The following FAM171A1 variants were observed in gnomAD, a reference collection of about 807,000 sequenced individuals.
The protein encoded by FAM171A1 is family with sequence similarity 171 member A1.
A neutral mutation model predicts 74.9 loss-of-function variants in FAM171A1; 23 were observed. The ratio of observed to expected loss-of-function variants is 0.31; its 90% CI spans 0.22 to 0.44. FAM171A1 has a LOEUF of 0.44. Ranked by LOEUF, FAM171A1 falls within the 20% of genes least tolerant of loss-of-function variation. FAM171A1 has a pLI of 1.00. For synonymous variants in FAM171A1, 527 were observed against 505.7 expected (o/e 1.04, Z -0.57); for missense variants, 1,162 against 1,159.2 (o/e 1.00, Z -0.03).
intron 1 of FAM171A1, among the ~76,000 whole-genome samples, chr10:15,301,740 A>G (rs888777020): frequency 2.0e-5 from 3 of 152,186 alleles, no homozygotes; most frequent in African/African-American, 7.2e-5. Flanking sequence ...TCTGGCTACT[A>G]CTGCTGCTCT....
chr10:15,350,744 T>C (rs933047444), intron 1 of FAM171A1, among the ~76,000 whole-genome samples: 1 of 145,128 alleles, frequency 6.9e-6, no homozygotes, highest in Non-Finnish European at 1.5e-5. Flanking sequence ...GTTCGAGCGA[T>C]CGATACTCCT....
intron 3 of FAM171A1, among the ~76,000 whole-genome samples, chr10:15,271,174 G>A (rs955279099): frequency 1.4e-4 from 22 of 152,128 alleles, no homozygotes; most frequent in African/African-American, 4.1e-4. Flanking sequence ...AATAAACAGC[G>A]TAGAGAAGAC....
intron 1 of FAM171A1, among the ~76,000 whole-genome samples, chr10:15,319,039 A>G (rs1261862482): frequency 6.6e-6 from 1 of 152,236 alleles, no homozygotes; most frequent in East Asian, 1.9e-4. Context: ...ACTTTGGTCT[A>G]CAGGAGGCCA....
chr10:15,327,688 C>T (rs1033368681), intron 1 of FAM171A1, among the ~76,000 whole-genome samples: 2 of 152,014 alleles, frequency 1.3e-5, no homozygotes, highest in Non-Finnish European at 2.9e-5. Context: ...ATAAATGCCA[C>T]ATGTTCTCAC....
At chr10:15,291,146 G>A (rs923633080) in intron 1 of FAM171A1, among the ~76,000 whole-genome samples, 3 of 152,120 alleles carry the variant, frequency 2.0e-5, no homozygotes, top group African/African-American at 4.8e-5. Flanking sequence ...CACCACGTCC[G>A]GCCATACCAC....
Position 15,213,607 on chromosome 10 carries a change from C to A in FAM171A1, c.1981G>T (p.Ala661Ser), listed in dbSNP as rs753162558. ...ATGGAGAGAGACTCCGACATGGATG[C>A]GTTCTGAGGGCTCCACTCCCGGGTG... ...AGTREWSPQN[A>S]SMSESLSIPA... Residue 661 changes from alanine to serine, a missense_variant, in exon 8 of 8, where the codon GCA becomes TCA. Coordinates refer to ENST00000378116, the MANE Select transcript of FAM171A1 (RefSeq NM_001010924.2). The surrounding 1 kb of genome is among the most constrained non-coding windows in gnomAD (Gnocchi z 6.8). 3 of 1,614,138 alleles carry A rather than the reference C, an allele frequency of 1.9e-6. No homozygotes were observed. Among genetic ancestry groups the A allele is most frequent in the Admixed American group, 3.3e-5 (2 of 60,022 alleles).
intron 3 of FAM171A1, among the ~76,000 whole-genome samples, chr10:15,262,812 G>C (rs1417675744): frequency 6.6e-6 from 1 of 152,128 alleles, no homozygotes. Context: ...ATAACAAATG[G>C]GCTCCAATGA....
intron 3 of FAM171A1, among the ~76,000 whole-genome samples, chr10:15,257,604 T>C (rs1372098859): frequency 2.0e-5 from 3 of 151,650 alleles, no homozygotes; most frequent in Non-Finnish European, 4.4e-5. Flanking sequence ...GGGCTGGGGG[T>C]ATGTAGCAGG....
chr10:15,228,382 AT>A (rs1293267603), intron 5 of FAM171A1, among the ~76,000 whole-genome samples: 1 of 132,710 alleles, frequency 7.5e-6, no homozygotes, highest in Non-Finnish European at 1.5e-5. Flanking sequence ...TTGCTTTGTC[AT>A]TCAGGCTGGA....
intron 1 of FAM171A1, among the ~76,000 whole-genome samples, chr10:15,332,074 C>A (rs1216154653): frequency 2.0e-5 from 3 of 151,504 alleles, no homozygotes; most frequent in Non-Finnish European, 2.9e-5. Context: ...CTCAGCCTCC[C>A]AGGTAGTAGC....
chr10:15,339,155 TA>T (rs1176441881), intron 1 of FAM171A1, among the ~76,000 whole-genome samples: 1 of 152,216 alleles, frequency 6.6e-6, no homozygotes, highest in African/African-American at 2.4e-5. Flanking sequence ...CTTTCAAATA[TA>T]GAATAATTTT....
chr10:15,364,262 G>C (rs1836032181), intron 1 of FAM171A1, among the ~76,000 whole-genome samples: 1 of 152,138 alleles, frequency 6.6e-6, no homozygotes. Context: ...GTGAATCCCA[G>C]CTCTGGAAGG....
chr10:15,247,437 A>T (rs1042725675), intron 5 of FAM171A1, among the ~76,000 whole-genome samples: 1 of 149,576 alleles, frequency 6.7e-6, no homozygotes, highest in Non-Finnish European at 1.5e-5. Context: ...GCACCCAAAC[A>T]GTACCCAGCA....
intron 6 of FAM171A1, 55 bp from the exon 7 acceptor site, chr10:15,216,165 G>T (rs1045010326): frequency 1.1e-5 from 12 of 1,138,360 alleles, no homozygotes; most frequent in Non-Finnish European, 1.5e-5. Flanking sequence ...CTCAAAAGAG[G>T]GATCATTCAT....
chr10:15,360,119 G>C (rs962737854), intron 1 of FAM171A1, among the ~76,000 whole-genome samples: 2 of 152,148 alleles, frequency 1.3e-5, no homozygotes, highest in Non-Finnish European at 2.9e-5. Context: ...TATTTGTAGA[G>C]ATGAAGTCCT....
At chr10:15,273,969 T>A (rs1834860805) in intron 3 of FAM171A1, among the ~76,000 whole-genome samples, 1 of 152,182 alleles carries the variant, frequency 6.6e-6, no homozygotes, top group South Asian at 2.1e-4. Flanking sequence ...CTTTGAAAAC[T>A]GGCATAAGAC....
chr10:15,329,793 C>G (rs1183117985), intron 1 of FAM171A1, among the ~76,000 whole-genome samples: 3 of 152,076 alleles, frequency 2.0e-5, no homozygotes, highest in Non-Finnish European at 4.4e-5. Context: ...CATTTGAGAA[C>G]TAAGTAGACA....
chr10:15,325,829 A>G, intron 1 of FAM171A1, among the ~76,000 whole-genome samples: 1 of 152,046 alleles, frequency 6.6e-6, no homozygotes, highest in African/African-American at 2.4e-5. Context: ...GTGCTGTTTC[A>G]CTCCGACCTG....
chr10:15,275,405 G>T (rs1223542600), intron 3 of FAM171A1, among the ~76,000 whole-genome samples: 1 of 151,100 alleles, frequency 6.6e-6, no homozygotes, highest in Non-Finnish European at 1.5e-5. Context: ...TCCTGCCTCA[G>T]CCTCCCAAGT....
Sources: allele counts gnomAD v4.1 joint callset (sites outside exome capture counted in the v4.1 genomes callset), GRCh38; gene constraint gnomAD v4.1.1; non-coding constraint Gnocchi (gnomAD v3.1); transcripts MANE v1.5; gene names NCBI Gene and HGNC (gene_info 2026-07-23, HGNC 2026-07-21).